Variants in HNRNPH1 observed in about 807,000 individuals in gnomAD.
HNRNPH1 encodes heterogeneous nuclear ribonucleoprotein H1.
In HNRNPH1, 4 loss-of-function variants were observed where a neutral mutation model predicts 58.6. That is an observed-to-expected ratio of 0.07 (90% CI 0.03 to 0.16). The LOEUF (loss-of-function observed/expected upper bound fraction) is 0.16. HNRNPH1 is among the 10% of genes least tolerant of loss of function. HNRNPH1 has a pLI of 1.00. For synonymous variants in HNRNPH1, 192 were observed against 189.2 expected (o/e 1.01, Z -0.12); for missense variants, 271 against 564.2 (o/e 0.48, Z 5.26).
chr5:179,632,193 A>G (rs574612726), intron 2 of HNRNPH1, among the ~76,000 whole-genome samples: 2 of 152,200 alleles, frequency 1.3e-5, no homozygotes, highest in South Asian at 4.1e-4. Flanking sequence ...CTGTAGTCCC[A>G]GCTACTTGGG....
At chr5:179,615,366 G>C in intron 12 of HNRNPH1, 180 bp downstream of exon 13, 1 of 503,030 alleles carries the variant, frequency 2.0e-6, no homozygotes, top group South Asian at 3.8e-5. Flanking sequence ...GAAGTCTCTT[G>C]CTTTTCCTAT....
rs911989306 is a variant in HNRNPH1, at chr5:179,630,739, G to A, written c.-32+3326C>T. ...ATCCTGGTCAACATGGTGAAACCCC[G>A]TCTCTACTAAAAGTACAAAAAATCA... On this transcript the variant is annotated intron_variant, in intron 2 of 4. Coordinates refer to the HNRNPH1 transcript ENST00000521116. Among the ~76,000 whole-genome samples, 12 of 152,090 alleles carry A rather than the reference G, an allele frequency of 7.9e-5. No individual in the cohort carries two copies. In the South Asian group the frequency reaches 1.0e-3, roughly 13 times the overall value.
At chr5:179,625,963 A>ATTTTTTTT (rs1478641132), upstream of HNRNPH1, among the ~76,000 whole-genome samples, 90 of 151,044 alleles carry the variant, frequency 6.0e-4, no homozygotes, top group African/African-American at 1.3e-3. Flanking sequence ...TTATTTATTT[A>ATTTTTTTT]TTTTTTGTAG....
intron 12 of HNRNPH1, 180 bp from the exon 14 acceptor site, chr5:179,615,139 T>C: frequency 1.7e-6 from 1 of 573,942 alleles, no homozygotes; most frequent in Non-Finnish European, 3.1e-6. Context: ...TAACCCCTTT[T>C]CTCTGCAGTA....
chr5:179,619,113 C>A (rs899068740), intron 4 of HNRNPH1, 156 bp downstream of exon 5: 1 of 623,624 alleles, frequency 1.6e-6, no homozygotes, highest in East Asian at 3.0e-5. Context: ...ATTTAGTTTG[C>A]GTGTAACGTG....
At chr5:179,624,729 T>C, upstream of HNRNPH1, 1 of 397,110 alleles carries the variant, frequency 2.5e-6, no homozygotes, top group Non-Finnish European at 4.4e-6. Flanking sequence ...TTGGCTGCCT[T>C]CCTCACCCCA....
At chr5:179,630,429 G>C (rs375250479) in intron 2 of HNRNPH1, among the ~76,000 whole-genome samples, 2 of 152,192 alleles carry the variant, frequency 1.3e-5, no homozygotes, top group African/African-American at 4.8e-5. Context: ...GTGTCCCTTT[G>C]AGTGGTAACC....
chr5:179,626,474 T>A (rs1212773552), upstream of HNRNPH1, among the ~76,000 whole-genome samples: 2 of 150,548 alleles, frequency 1.3e-5, no homozygotes, highest in Admixed American at 6.6e-5. Flanking sequence ...TCCCAGCACT[T>A]TGGGAGGCCG....
chr5:179,615,931 C>T (rs1769336704), intron 11 of HNRNPH1, 195 bp downstream of exon 12: 1 of 543,408 alleles, frequency 1.8e-6, no homozygotes, highest in East Asian at 2.9e-5. Context: ...CTAGTAAAAA[C>T]AGTTACATTT....
At chr5:179,620,918 T>A in exon 3 of HNRNPH1, 1 of 1,614,186 alleles carries the variant, frequency 6.2e-7, no homozygotes, top group Non-Finnish European at 8.5e-7. Flanking sequence ...AATTTCTTCC[T>A]TGCTACATCC....
At chr5:179,617,414 G>C in intron 8 of HNRNPH1, 100 bp downstream of exon 9, 1 of 1,339,170 alleles carries the variant, frequency 7.5e-7, no homozygotes, top group Non-Finnish European at 1.0e-6. Context: ...TATTACTGGA[G>C]AGGAAACTTC....
Position 179,617,666 on chromosome 5 carries a change from T to C in HNRNPH1, c.922-17A>G, listed in dbSNP as rs1770448898. ...TGAAAAAAACTACAACACAAGGCAT[T>C]TCAAAGAATTCAACCAACTTTCTAA... is the stretch of plus-strand genomic sequence containing the variant. On this transcript the variant is annotated splice_polypyrimidine_tract_variant and intron_variant, in intron 7 of 12. Transcript: ENST00000356731. 6 of 1,608,862 alleles carry C rather than the reference T, an allele frequency of 3.7e-6. No individual in the cohort carries two copies. The highest frequency in any genetic ancestry group is 5.1e-6 in the Non-Finnish European group (6 of 1,177,616).
chr5:179,621,851 G>T (rs1441706622), intron 1 of HNRNPH1: 4 of 439,914 alleles, frequency 9.1e-6, no homozygotes, highest in Admixed American at 2.6e-5. Context: ...ACCTGAAAGG[G>T]GATCAGTGTT....
upstream of HNRNPH1, among the ~76,000 whole-genome samples, chr5:179,626,102 T>G (rs1774368881): frequency 6.6e-6 from 1 of 150,440 alleles, no homozygotes; most frequent in African/African-American, 2.5e-5. Flanking sequence ...AATGAAAGGT[T>G]TTTTTGTTTG....
chr5:179,628,612 T>C (rs941049252), upstream of HNRNPH1, among the ~76,000 whole-genome samples: 1 of 152,146 alleles, frequency 6.6e-6, no homozygotes, highest in Admixed American at 6.6e-5. Context: ...ATTACACGCA[T>C]GAGCCACCGC....
chr5:179,616,167 T>A (rs1201920629), exon 11 of HNRNPH1: 1 of 1,614,222 alleles, frequency 6.2e-7, no homozygotes, highest in Non-Finnish European at 8.5e-7. Context: ...GCCGCCTCCG[T>A]AACCCCCACT....
intron 7 of HNRNPH1, 21 bp downstream of exon 8, chr5:179,617,778 G>C (rs370622280): frequency 6.2e-7 from 1 of 1,612,714 alleles, no homozygotes. Flanking sequence ...ATATTGACTT[G>C]TGAGTTCATC....
chr5:179,615,422 C>CT, intron 12 of HNRNPH1, 124 bp downstream of exon 13: 1 of 552,706 alleles, frequency 1.8e-6, no homozygotes, highest in Non-Finnish European at 3.3e-6. Flanking sequence ...CTAAAGGCAA[C>CT]TCACTGTGCC....
chr5:179,617,799 A>G (rs1354087416), exon 7 of HNRNPH1: 2 of 1,613,636 alleles, frequency 1.2e-6, no homozygotes, highest in East Asian at 4.5e-5. Context: ...TCACACTTAC[A>G]TTATAAATGT....
Sources: gnomAD v4.1 joint callset for allele counts (sites outside exome capture counted in the v4.1 genomes callset) on GRCh38, gnomAD v4.1.1 for gene constraint, MANE v1.5 for transcripts, NCBI Gene and HGNC (gene_info 2026-07-23, HGNC 2026-07-21) for gene names.